The following CRTC1 variants were observed in gnomAD, a reference collection of about 807,000 sequenced individuals.
CRTC1 encodes CREB-regulated transcription coactivator 1.
CRTC1 carries 18 observed loss-of-function variants against 66.1 expected under a neutral mutation model. That is an observed-to-expected ratio of 0.27 (90% CI 0.19 to 0.40). The LOEUF is 0.40. Among genes scored for constraint, CRTC1 ranks in the 10% least tolerant of loss-of-function variants. The pLI, the probability that CRTC1 is intolerant of heterozygous loss-of-function variation, is 1.00. For missense variants in CRTC1, 669 were observed against 887.9 expected (o/e 0.75, Z 3.13); for synonymous variants, 416 against 398.8 (o/e 1.04, Z -0.51).
chr19:18,738,233 C>T (rs991351267), intron 1 of CRTC1, among the ~76,000 whole-genome samples: 5 of 152,116 alleles, frequency 3.3e-5, no homozygotes, highest in African/African-American at 1.2e-4. Context: ...GGGAGGATCA[C>T]CTGATCCTGG....
chr19:18,748,286 T>C (rs1366161931), intron 4 of CRTC1, among the ~76,000 whole-genome samples: 1 of 151,624 alleles, frequency 6.6e-6, no homozygotes, highest in Admixed American at 6.6e-5. Flanking sequence ...TCACACTCTG[T>C]TACTGAGGCT....
At chr19:18,714,122 A>G (rs1600818207) in intron 1 of CRTC1, among the ~76,000 whole-genome samples, 1 of 152,240 alleles carries the variant, frequency 6.6e-6, no homozygotes, top group East Asian at 1.9e-4. Context: ...TGAGCCATGC[A>G]CACCCAAGGC....
intron 1 of CRTC1, among the ~76,000 whole-genome samples, chr19:18,713,269 A>G (rs2053432239): frequency 6.6e-6 from 1 of 152,210 alleles, no homozygotes; most frequent in Non-Finnish European, 1.5e-5. Context: ...GATGGAGCAC[A>G]TTCTGTTCAG....
intron 1 of CRTC1, among the ~76,000 whole-genome samples, chr19:18,698,144 C>T (rs12980791): frequency 0.091 from 13,769 of 151,306 alleles, 711 homozygotes; most frequent in Non-Finnish European, 0.12. Context: ...GCTCAGCTGG[C>T]GCAGCATGTA....
intron 1 of CRTC1, among the ~76,000 whole-genome samples, chr19:18,694,298 C>CAAAAAA (rs202211420): frequency 3.3e-5 from 3 of 91,282 alleles, no homozygotes; most frequent in Admixed American, 2.3e-4. Flanking sequence ...GACTCCATCT[C>CAAAAAA]AAAAAAAAAA....
chr19:18,768,247 C>A lies in CRTC1; in HGVS notation c.1012-238C>A, dbSNP rs942727536. 6.6e-6 allele frequency among the ~76,000 whole-genome samples: 1 copy of A among 152,184 alleles called. No homozygotes were observed. Among genetic ancestry groups the A allele is most frequent in the South Asian group, 2.1e-4 (1 of 4,834 alleles). On this transcript the variant is annotated intron_variant, in intron 9 of 13. Coordinates refer to ENST00000321949, the MANE Select transcript of CRTC1 (RefSeq NM_015321.3). This position sits in a 1 kb window ranked among gnomAD's most constrained non-coding sequence, Gnocchi z 5.6. ...ACGGCATGTAGTGCGGGTGCAGGCA[C>A]AACAAGCTGGAGGAGGTCAGGTCCT...
rs930748917 is a variant in CRTC1 at position 18,777,594 on chromosome 19, C to T, written c.*212C>T. ...CGGGCCGTCCACCCACCCGCCCGCC[C>T]AGGGCTGGGCTGGGATCGGAGGCCG... On this transcript the variant is annotated 3_prime_UTR_variant, in exon 14 of 14. Coordinates refer to ENST00000321949, the MANE Select transcript of CRTC1 (RefSeq NM_015321.3). This position sits in a 1 kb window ranked among gnomAD's most constrained non-coding sequence, Gnocchi z 5.5. The T allele has an allele frequency of 9.2e-6, 5 of 546,012 alleles. No homozygotes were observed. Among genetic ancestry groups the T allele is most frequent in the Non-Finnish European group, 1.6e-5 (5 of 312,100 alleles). The allele number at this position is 546,012 out of a possible 1,614,324, so 33.8% of individuals were successfully genotyped here.
At chr19:18,743,532 C>A (rs1434921991) in intron 2 of CRTC1, among the ~76,000 whole-genome samples, 1 of 152,204 alleles carries the variant, frequency 6.6e-6, no homozygotes, top group Non-Finnish European at 1.5e-5. Context: ...CCCTGGTCTG[C>A]GGGTGGAGAT....
At chr19:18,684,598 C>T (rs144173634) in intron 1 of CRTC1, among the ~76,000 whole-genome samples, 37 of 152,248 alleles carry the variant, frequency 2.4e-4, no homozygotes, top group African/African-American at 8.7e-4. Flanking sequence ...ACAGCTGCCC[C>T]TTCTCCATGT....
At chr19:18,750,811 A>G (rs1211393207) in intron 5 of CRTC1, among the ~76,000 whole-genome samples, 5 of 152,142 alleles carry the variant, frequency 3.3e-5, no homozygotes, top group Admixed American at 6.5e-5. Context: ...ATGTCTCCAT[A>G]ATGAAAATGA....
intron 1 of CRTC1, among the ~76,000 whole-genome samples, chr19:18,739,838 A>G (rs950266364): frequency 6.6e-6 from 1 of 152,204 alleles, no homozygotes; most frequent in African/African-American, 2.4e-5. Flanking sequence ...GAGGAAAGTC[A>G]GCTCCTGCAG....
chr19:18,709,022 T>C (rs1275999919), intron 1 of CRTC1, among the ~76,000 whole-genome samples: 2 of 152,010 alleles, frequency 1.3e-5, no homozygotes, highest in African/African-American at 2.4e-5. Context: ...GTGCAGTGGG[T>C]AAATGTCCAC....
Position 18,768,592 on chromosome 19 carries a change from T to G in CRTC1, c.1119T>G (p.Pro373=). The change falls in exon 10 of 14, where the codon CCT becomes CCG. Residue 373 remains proline, a synonymous_variant. Transcript: ENST00000321949. The surrounding 1 kb of genome is among the most constrained non-coding windows in gnomAD (Gnocchi z 5.6). ...PPPQPQPPPP[P]PPASQQPPPP... is the part of the protein sequence containing the mutation. ...CGCAGCCCCAGCCCCCGCCGCCTCCTCCACCCGCGTCCCAGCAGCCACCAC... is the reference window on the plus strand; with the variant it reads ...CGCAGCCCCAGCCCCCGCCGCCTCCGCCACCCGCGTCCCAGCAGCCACCAC... 1 of 1,515,380 alleles carries G rather than the reference T, an allele frequency of 6.6e-7. No homozygotes were observed. The highest frequency in any genetic ancestry group is 8.9e-7 in the Non-Finnish European group (1 of 1,118,116). The allele number at this position is 1,515,380 out of a possible 1,614,324, so 93.9% of individuals were successfully genotyped here.
chr19:18,739,249 C>A (rs944342377), intron 1 of CRTC1, among the ~76,000 whole-genome samples: 5 of 152,322 alleles, frequency 3.3e-5, no homozygotes, highest in African/African-American at 1.2e-4. Context: ...CCAGGTCAGC[C>A]CCGAGCCTCT....
At chr19:18,720,450 C>T (rs986513647) in intron 1 of CRTC1, among the ~76,000 whole-genome samples, 14 of 150,784 alleles carry the variant, frequency 9.3e-5, no homozygotes, top group South Asian at 2.1e-4. Flanking sequence ...TCCGGGTTCA[C>T]GCCATTCTCC....
At chr19:18,743,386 C>A (rs528402904) in intron 2 of CRTC1, among the ~76,000 whole-genome samples, 1 of 152,250 alleles carries the variant, frequency 6.6e-6, no homozygotes, top group Non-Finnish European at 1.5e-5. Context: ...GAAGGAGGCC[C>A]GGCGGCCTGA....
intron 1 of CRTC1, among the ~76,000 whole-genome samples, chr19:18,738,584 C>G (rs779090645): frequency 9.9e-5 from 15 of 152,078 alleles, no homozygotes; most frequent in Admixed American, 3.3e-4. Flanking sequence ...GGCGGATCAC[C>G]TGAGGTCAGG....
intron 11 of CRTC1, among the ~76,000 whole-genome samples, chr19:18,773,972 T>TC (rs1203965716): frequency 3.3e-5 from 5 of 152,318 alleles, no homozygotes; most frequent in Non-Finnish European, 2.9e-5. Context: ...GGGCCAGGGC[T>TC]TTGGGTCTGT....
At chr19:18,703,949 G>A (rs2053203927) in intron 1 of CRTC1, among the ~76,000 whole-genome samples, 1 of 152,152 alleles carries the variant, frequency 6.6e-6, no homozygotes, top group Admixed American at 6.5e-5. Context: ...ATCTGTGATG[G>A]TTCCTCAATG....
Sources: gnomAD v4.1 joint callset for allele counts (sites outside exome capture counted in the v4.1 genomes callset) on GRCh38, gnomAD v4.1.1 for gene constraint, Gnocchi (gnomAD v3.1) non-coding constraint, MANE v1.5 for transcripts, NCBI Gene and HGNC (gene_info 2026-07-23, HGNC 2026-07-21) for gene names.